The following MTMR4 variants were observed in gnomAD, a reference collection of about 807,000 sequenced individuals.
The protein encoded by MTMR4 is phosphatidylinositol-3,5-bisphosphate 3-phosphatase MTMR4.
In MTMR4, 30 loss-of-function variants were observed where a neutral mutation model predicts 125.5. The observed-to-expected ratio is 0.24, with a 90% CI of 0.18 to 0.32. MTMR4 has a LOEUF of 0.32. MTMR4 is among the 10% of genes least tolerant of loss of function. The pLI, the probability that MTMR4 is intolerant of heterozygous loss-of-function variation, is 1.00. For missense variants in MTMR4, 1,039 were observed against 1,511.5 expected (o/e 0.69, Z 5.18); for synonymous variants, 498 against 564.5 (o/e 0.88, Z 1.67).
At position 58,512,022 on chromosome 17, in the gene MTMR4, T is replaced by C. The variant is rs1241107247; in HGVS notation, c.252+368A>G. Among the ~76,000 whole-genome samples, 4 of 152,078 alleles carry C rather than the reference T, an allele frequency of 2.6e-5. No individual in the cohort carries two copies. Among genetic ancestry groups the C allele is most frequent in the Non-Finnish European group, 4.4e-5 (3 of 68,002 alleles). ...ATTTTTTTGAGAGGTAGTCTCACCC[T>C]GTCACCCAAGCTGGACAGCAGTGGC... On this transcript the variant is annotated intron_variant, in intron 3 of 17. Transcript: ENST00000682306. This position sits in a 1 kb window ranked among gnomAD's most constrained non-coding sequence, Gnocchi z 4.1.
intron 1 of MTMR4, 191 bp downstream of exon 1, chr17:58,514,172 T>C (rs996933856): frequency 5.1e-6 from 2 of 395,488 alleles, no homozygotes; most frequent in African/African-American, 2.2e-5. Context: ...ATTCCTGGCC[T>C]TCGACCATCT....
rs1247022569 is a variant in MTMR4, at chr17:58,504,866, C to T, written c.1254G>A (p.Leu418=). The T allele has an allele frequency of 6.2e-7, 1 of 1,614,232 alleles. No individual in the cohort carries two copies. The highest frequency in any genetic ancestry group is 1.7e-5 in the Admixed American group (1 of 60,028). The part of the protein sequence containing the change: ...NTVDREGRPV[L]VHCSDGWDRT... Reference sequence around the variant, plus strand: ...GGTCCCAGCCATCTGAGCAGTGTACCAGCACAGGCCGGCCTTCCCGGTCTA... The same window carrying T: ...GGTCCCAGCCATCTGAGCAGTGTACTAGCACAGGCCGGCCTTCCCGGTCTA... Residue 418 remains leucine, a synonymous_variant, in exon 11 of 18, where the codon CTG becomes CTA. Transcript: ENST00000682306. This position sits in a 1 kb window ranked among gnomAD's most constrained non-coding sequence, Gnocchi z 7.1.
chr17:58,491,758 C>T lies in MTMR4; in HGVS notation c.3535G>A (p.Val1179Ile), dbSNP rs148218230. The change falls in exon 18 of 18, where the codon GTC (valine) becomes ATC (isoleucine). Residue 1179 changes from valine (V) to isoleucine (I), a missense_variant. Coordinates refer to ENST00000682306, the MANE Select transcript of MTMR4 (RefSeq NM_001378067.1). ...PDQQLYDPVL[V>I]CNSCYEHIQV... ...ATGTGTTCGTAACATGAGTTACAGA[C>T]GAGAACTGGGTCATAGAGTTGCTGA... The T allele has an allele frequency of 1.2e-5, 20 of 1,614,152 alleles. No homozygotes were observed. Among genetic ancestry groups the T allele is most frequent in the South Asian group, 4.4e-5 (4 of 91,084 alleles).
In MTMR4 at chr17:58,496,010, C is replaced by T. The variant is rs145309683; in HGVS notation, c.2174G>A (p.Arg725Gln). ...SYKLLNTAVP[R>Q]EMKSNTSDPE... ...ATCAGAGGTGTTGCTCTTCATTTCC[C>T]GAGGCACTGCGGTATTAAGCAGTTT... Residue 725 changes from arginine to glutamine, a missense_variant, in exon 15 of 18, where the codon CGG becomes CAG. Coordinates refer to ENST00000682306, the MANE Select transcript of MTMR4 (RefSeq NM_001378067.1). 92 of 1,614,050 alleles carry T rather than the reference C, an allele frequency of 5.7e-5. No homozygotes were observed. The highest frequency in any genetic ancestry group is 2.7e-4 in the East Asian group (12 of 44,894).
rs1975947611 is a variant in MTMR4 at position 58,512,140 on chromosome 17, C to A, written c.252+250G>T. Among the ~76,000 whole-genome samples the A allele has an allele frequency of 6.6e-6, 1 of 152,118 alleles. No homozygotes were observed. The highest frequency in any genetic ancestry group is 1.5e-5 in the Non-Finnish European group (1 of 68,020). ...AGGTGGGATTACAGGTGCGCACCAC[C>A]AAGCCCGACTAATTTTTGTATTGTT... On this transcript the variant is annotated intron_variant, in intron 3 of 17. Coordinates refer to ENST00000682306, the MANE Select transcript of MTMR4 (RefSeq NM_001378067.1). This position sits in a 1 kb window ranked among gnomAD's most constrained non-coding sequence, Gnocchi z 4.1.
At chr17:58,510,322 C>T (rs1249397129) in intron 4 of MTMR4, among the ~76,000 whole-genome samples, 2 of 152,178 alleles carry the variant, frequency 1.3e-5, no homozygotes, top group Non-Finnish European at 2.9e-5. Context: ...CACCAGCCTC[C>T]CTGCCAGTCT....
At chr17:58,496,838 T>C (rs1160707591) in intron 14 of MTMR4, among the ~76,000 whole-genome samples, 2 of 152,232 alleles carry the variant, frequency 1.3e-5, no homozygotes, top group African/African-American at 4.8e-5. Flanking sequence ...TCTCCCTTTA[T>C]ACAATGATGA....
At chr17:58,514,986 A>AC, upstream of MTMR4, 1 of 983,876 alleles carries the variant, frequency 1.0e-6, no homozygotes, top group Non-Finnish European at 1.2e-6. Context: ...CAAAACCACT[A>AC]CCCACCATGC....
intron 14 of MTMR4, among the ~76,000 whole-genome samples, chr17:58,500,777 G>C (rs1598216910): frequency 7.0e-6 from 1 of 142,120 alleles, no homozygotes; most frequent in Non-Finnish European, 1.5e-5. Flanking sequence ...AAAAAGAATT[G>C]CTCTCTCTAG....
chr17:58,501,306 T>G (rs1324687980), intron 14 of MTMR4, among the ~76,000 whole-genome samples: 2 of 152,112 alleles, frequency 1.3e-5, no homozygotes. Context: ...ACGCCAGGAA[T>G]TTAAGACTAA....
chr17:58,508,614 G>A lies in MTMR4; in HGVS notation c.497-50C>T, dbSNP rs1383594557. 1.2e-6 allele frequency: 2 copies of A among 1,614,006 alleles called. No homozygotes were observed. The highest frequency in any genetic ancestry group is 1.7e-6 in the Non-Finnish European group (2 of 1,179,960). Reference sequence around the variant, plus strand: ...TAGCTTCCCAGAGCACCAATGTGCAGGAGTGGAGGAGGGATGAGAACTAAG... The same window carrying A: ...TAGCTTCCCAGAGCACCAATGTGCAAGAGTGGAGGAGGGATGAGAACTAAG... On this transcript the variant is annotated intron_variant, in intron 5 of 17. Coordinates refer to ENST00000682306, the MANE Select transcript of MTMR4 (RefSeq NM_001378067.1). This position sits in a 1 kb window ranked among gnomAD's most constrained non-coding sequence, Gnocchi z 4.8.
At chr17:58,515,044 T>G, upstream of MTMR4, 1 of 985,404 alleles carries the variant, frequency 1.0e-6, no homozygotes, top group Non-Finnish European at 1.2e-6. Context: ...TAAACCTTTC[T>G]TTCCCCTTAG....
At position 58,504,108 on chromosome 17, in the gene MTMR4, A is replaced by C; in HGVS notation, c.1640T>G (p.Leu547Arg). ...IYKRTCSVWA[L>R]LRAGNKNFHN... ...AAAGTTTTTATTGCCAGCTCGAAGG[A>C]GCGCCCACACAGAGCAGGTCCGCTT... is the stretch of plus-strand genomic sequence containing the variant. The change falls in exon 13 of 18, where the codon CTC (leucine) becomes CGC (arginine). Residue 547 changes from leucine (L) to arginine (R), a missense_variant. Leu to Arg is a moderately radical substitution (Grantham distance 102, BLOSUM62 -2). This residue lies in a region of MTMR4 where 619 missense variants were observed against 714.5 expected (regional missense o/e 0.87). Coordinates refer to ENST00000682306, the MANE Select transcript of MTMR4 (RefSeq NM_001378067.1). The surrounding 1 kb of genome is among the most constrained non-coding windows in gnomAD (Gnocchi z 7.1). 2 of 1,597,512 alleles carry C rather than the reference A, an allele frequency of 1.3e-6. No individual in the cohort carries two copies. The highest frequency in any genetic ancestry group is 8.5e-7 in the Non-Finnish European group (1 of 1,173,308).
In MTMR4 at chr17:58,512,947, G is replaced by C. The variant is rs1480810252; in HGVS notation, c.46-6C>G. 2 of 1,608,794 alleles carry C rather than the reference G, an allele frequency of 1.2e-6. No individual in the cohort carries two copies. On this transcript the variant is annotated splice_polypyrimidine_tract_variant and splice_region_variant and intron_variant, in intron 1 of 17. Coordinates refer to ENST00000682306, the MANE Select transcript of MTMR4 (RefSeq NM_001378067.1). The surrounding 1 kb of genome is among the most constrained non-coding windows in gnomAD (Gnocchi z 4.1). ...CTGGGGGGCCCCTCCTCACCCTGTA[G>C]GAAGGCCACAGTCCTAAGTCACCAA... is the stretch of plus-strand genomic sequence containing the variant.
At chr17:58,503,709 T>A in intron 14 of MTMR4, 35 bp downstream of exon 14, 1 of 1,584,768 alleles carries the variant, frequency 6.3e-7, no homozygotes, top group Non-Finnish European at 8.6e-7. Context: ...GCCTTCCTAG[T>A]GGAGAGAGGA....
At chr17:58,509,080 C>A (rs201160198) in intron 4 of MTMR4, among the ~76,000 whole-genome samples, 2 of 152,148 alleles carry the variant, frequency 1.3e-5, no homozygotes, top group East Asian at 1.9e-4. Flanking sequence ...CTTATCCTCT[C>A]GAATGGGGCG....
chr17:58,500,625 C>T (rs1975594812), intron 14 of MTMR4, among the ~76,000 whole-genome samples: 1 of 151,760 alleles, frequency 6.6e-6, no homozygotes, highest in South Asian at 2.1e-4. Context: ...TGGTGGGCAC[C>T]TGTAGTCCCA....
chr17:58,516,467 AGCTGAACAGG>A, upstream of MTMR4: 3 of 1,116,208 alleles, frequency 2.7e-6, no homozygotes, highest in Non-Finnish European at 4.1e-6. Context: ...CATGTTTAGG[AGCTGAACAGG>A]GTAGCCTGGA....
At chr17:58,514,246 C>A (rs1029236131) in intron 1 of MTMR4, 117 bp downstream of exon 1, 20 of 913,562 alleles carry the variant, frequency 2.2e-5, no homozygotes, top group East Asian at 1.2e-4. Context: ...CCCTGCCCCC[C>A]AAACGTTCGG....
Sources: allele counts gnomAD v4.1 joint callset (sites outside exome capture counted in the v4.1 genomes callset), GRCh38; gene constraint gnomAD v4.1.1; regional missense constraint gnomAD v4.1.1; non-coding constraint Gnocchi (gnomAD v3.1); transcripts MANE v1.5; gene names NCBI Gene and HGNC (gene_info 2026-07-23, HGNC 2026-07-21).